The following CFAP20DC variants were observed in gnomAD, a reference collection of about 807,000 sequenced individuals.
The protein encoded by CFAP20DC is protein CFAP20DC.
In CFAP20DC, 84 loss-of-function variants were observed where a neutral mutation model predicts 101.7. That is an observed-to-expected ratio of 0.83 (90% confidence interval 0.69 to 0.99). CFAP20DC has a LOEUF of 0.99. Among genes scored for constraint, CFAP20DC ranks in the 50% least tolerant of loss-of-function variants. The probability of loss-of-function intolerance (pLI) is 0.00; values close to 1 mark genes in which losing one functional copy is unlikely to be tolerated. For missense variants in CFAP20DC, 1,007 were observed against 970.3 expected (o/e 1.04, Z -0.50); for synonymous variants, 359 against 351.2 (o/e 1.02, Z -0.25).
chr3:58,770,535 T>C (rs1272679680), intron 15 of CFAP20DC, among the ~76,000 whole-genome samples: 1 of 152,208 alleles, frequency 6.6e-6, no homozygotes, highest in Non-Finnish European at 1.5e-5. Flanking sequence ...ATGAAAGGGT[T>C]ATTCCTGAAG....
At chr3:58,974,265 C>T (rs1001960353) in intron 4 of CFAP20DC, among the ~76,000 whole-genome samples, 3 of 152,120 alleles carry the variant, frequency 2.0e-5, no homozygotes, top group Non-Finnish European at 2.9e-5. Context: ...CTCCCACCTT[C>T]CCCCTACTAG....
intron 13 of CFAP20DC, among the ~76,000 whole-genome samples, chr3:58,841,874 T>C (rs1198706184): frequency 6.6e-6 from 1 of 152,222 alleles, no homozygotes; most frequent in South Asian, 2.1e-4. Flanking sequence ...TATAAGTCTT[T>C]TGTTTGTTTG....
At chr3:58,949,098 T>C (rs1467061866) in intron 4 of CFAP20DC, among the ~76,000 whole-genome samples, 1 of 152,232 alleles carries the variant, frequency 6.6e-6, no homozygotes, top group Non-Finnish European at 1.5e-5. Context: ...TAGTATTCTC[T>C]GATGGTAGTT....
chr3:58,845,899 C>T (rs2077593732), intron 13 of CFAP20DC, among the ~76,000 whole-genome samples: 1 of 149,578 alleles, frequency 6.7e-6, no homozygotes, highest in Admixed American at 6.7e-5. Context: ...ATAAACAGAG[C>T]CAAAGACAAA....
In CFAP20DC at chr3:58,874,881, C is replaced by T. The variant is rs770414576; in HGVS notation, c.716-4572G>A. On this transcript the variant is annotated intron_variant, in intron 7 of 16. Transcript: ENST00000482387. The surrounding 1 kb of genome is among the most constrained non-coding windows in gnomAD (Gnocchi z 5.1). ...CCAGCACCTAGCCCAGTGCTTGACA[C>T]AGAATAGGCACATAATAGTTCCTTG... Among the ~76,000 whole-genome samples the T allele has an allele frequency of 2.0e-5, 3 of 152,122 alleles. No homozygotes were observed. The highest frequency in any genetic ancestry group is 4.4e-5 in the Non-Finnish European group (3 of 68,028).
intron 15 of CFAP20DC, among the ~76,000 whole-genome samples, chr3:58,794,808 A>G (rs2073114197): frequency 6.6e-6 from 1 of 152,318 alleles, no homozygotes; most frequent in Admixed American, 6.5e-5. Context: ...CTGGAAGGCC[A>G]CAAGCTCATT....
At chr3:59,018,566 T>C (rs1298245005) in intron 4 of CFAP20DC, 1 of 152,050 alleles carries the variant, frequency 6.6e-6, no homozygotes, top group Non-Finnish European at 1.5e-5. Context: ...ATAACATGAA[T>C]CTAATCCTAA....
At chr3:58,845,043 G>A (rs2077498091) in intron 13 of CFAP20DC, among the ~76,000 whole-genome samples, 1 of 134,004 alleles carries the variant, frequency 7.5e-6, no homozygotes, top group African/African-American at 3.0e-5. Flanking sequence ...AGCACTAAAT[G>A]CCCACAAGAG....
rs531931962 is a variant in CFAP20DC at position 58,978,210 on chromosome 3, T to C, written c.279-40448A>G. On this transcript the variant is annotated intron_variant, in intron 4 of 16. Transcript: ENST00000482387. ...CCTTCTTCCAGGTTCTTCCCAGCTC[T>C]TTTGCCACCACTGGCTTCCCCACTC... Among the ~76,000 whole-genome samples, 35 of 152,224 alleles carry C rather than the reference T, an allele frequency of 2.3e-4. No individual in the cohort carries two copies. In the South Asian group the frequency reaches 7.3e-3, roughly 32 times the overall value.
intron 15 of CFAP20DC, among the ~76,000 whole-genome samples, chr3:58,765,490 C>CAAAAAAAAAAAAAAAAAAAAAACA (rs1337049385): frequency 4.5e-4 from 37 of 81,726 alleles, no homozygotes; most frequent in Middle Eastern, 7.2e-3. Context: ...AAAAAAAAAC[C>CAAAAAAAAAAAAAAAAAAAAAACA]AAAAAAAAAA....
intron 6 of CFAP20DC, among the ~76,000 whole-genome samples, chr3:58,898,074 T>C (rs1559788850): frequency 6.6e-6 from 1 of 152,210 alleles, no homozygotes; most frequent in African/African-American, 2.4e-5. Flanking sequence ...GTTTTGTTCA[T>C]TCCTTTTTTT....
chr3:58,876,261 A>G lies in CFAP20DC; in HGVS notation c.716-5952T>C, dbSNP rs1237628347. 2.0e-5 allele frequency among the ~76,000 whole-genome samples: 3 copies of G among 152,254 alleles called. No homozygotes were observed. The East Asian group carries it at 5.8e-4, about 29-fold the overall frequency. On this transcript the variant is annotated intron_variant, in intron 7 of 16. Coordinates refer to ENST00000482387, the MANE Select transcript of CFAP20DC (RefSeq NM_001394063.1). ...CATATTAATTGTCACAATTATCTCT[A>G]TAAACACGTATTGTGCTATGCATCT... is the stretch of plus-strand genomic sequence containing the variant.
intron 3 of CFAP20DC, among the ~76,000 whole-genome samples, chr3:58,734,799 C>A (rs940696589): frequency 6.6e-6 from 1 of 152,172 alleles, no homozygotes; most frequent in African/African-American, 2.4e-5. Flanking sequence ...CAGCCCAAAG[C>A]ACTTACCATT....
intron 4 of CFAP20DC, among the ~76,000 whole-genome samples, chr3:58,967,959 G>C (rs1376766600): frequency 1.3e-5 from 2 of 152,176 alleles, no homozygotes; most frequent in Non-Finnish European, 2.9e-5. Flanking sequence ...AGAACATGCA[G>C]CATTTAGTTT....
chr3:59,029,472 G>C (rs1279767785), intron 4 of CFAP20DC, among the ~76,000 whole-genome samples: 1 of 152,096 alleles, frequency 6.6e-6, no homozygotes, highest in Non-Finnish European at 1.5e-5. Flanking sequence ...GAGTTAGCCA[G>C]GCAAAGAGAT....
chr3:58,875,008 A>G (rs1576072909), intron 7 of CFAP20DC, among the ~76,000 whole-genome samples: 1 of 152,204 alleles, frequency 6.6e-6, no homozygotes, highest in Non-Finnish European at 1.5e-5. Flanking sequence ...ATTTTAAGAG[A>G]AATCTACCTG....
In CFAP20DC at chr3:58,870,437, A is replaced by G. The variant is rs1253341136; in HGVS notation, c.716-128T>C. On this transcript the variant is annotated intron_variant, in intron 7 of 16. Transcript: ENST00000482387. ...AATCCCCCCTCCCCCCTCAGCATGT[A>G]TTAAAAACACAGATACTAGGGCCCA... 6.0e-6 allele frequency: 5 copies of G among 834,052 alleles called. No homozygotes were observed. In the East Asian group the frequency reaches 1.3e-4, roughly 21 times the overall value. The allele number at this position is 834,052 out of a possible 1,614,324, so 51.7% of individuals were successfully genotyped here. A position where few individuals can be genotyped will look rare whatever the true frequency, so the allele number is the denominator to read the frequency against.
At chr3:58,966,657 G>GGATCC (rs2091564197) in intron 4 of CFAP20DC, among the ~76,000 whole-genome samples, 1 of 151,416 alleles carries the variant, frequency 6.6e-6, no homozygotes, top group Admixed American at 6.6e-5. Context: ...CCGAGTAGCT[G>GGATCC]GGATCACAGG....
chr3:58,901,176 C>G (rs1440732542), intron 6 of CFAP20DC, among the ~76,000 whole-genome samples: 1 of 152,140 alleles, frequency 6.6e-6, no homozygotes. Context: ...ACAGTGAGGG[C>G]CAAGTATAAA....
Sources: gnomAD v4.1 joint callset for allele counts (sites outside exome capture counted in the v4.1 genomes callset) on GRCh38, gnomAD v4.1.1 for gene constraint, Gnocchi (gnomAD v3.1) non-coding constraint, MANE v1.5 for transcripts, NCBI Gene and HGNC (gene_info 2026-07-23, HGNC 2026-07-21) for gene names.